The following INTS1 variants were observed in gnomAD, a reference collection of about 807,000 sequenced individuals.
INTS1 encodes the protein integrator complex subunit 1.
Under a neutral mutation model 241.6 loss-of-function variants are expected in INTS1, and 137 were observed. The observed-to-expected ratio is 0.57, with a 90% CI of 0.49 to 0.65. The LOEUF is 0.65. Among genes scored for constraint, INTS1 ranks in the 30% least tolerant of loss-of-function variants. INTS1 has a pLI of 0.00. For synonymous variants in INTS1, 1,692 were observed against 1,337.8 expected (o/e 1.26, Z -5.78); for missense variants, 3,073 against 3,032.2 (o/e 1.01, Z -0.32).
At chr7:1,474,980 A>C in intron 39 of INTS1, 142 bp from the exon 40 acceptor site, 14 of 1,147,034 alleles carry the variant, frequency 1.2e-5, no homozygotes, top group Non-Finnish European at 1.7e-5. Flanking sequence ...GGCTTCCATG[A>C]GCACCTCGGG....
chr7:1,500,000 G>A lies in INTS1; in HGVS notation c.568C>T (p.Arg190Trp), dbSNP rs762191417. ...GCCTTGAAGTTGATGGAGGCGTCCC[G>A]CCGCAGGAGGCTACACAGAGCCTGC... ...VIEALCSLLR[R>W]DASINFKAKG... is the part of the protein sequence containing the mutation. Residue 190 changes from arginine (R) to tryptophan (W), a missense_variant, in exon 5 of 48, where the codon CGG (arginine) becomes TGG (tryptophan). Physicochemically the swap from Arg to Trp is moderately radical, Grantham distance 101. Coordinates refer to ENST00000404767, the MANE Select transcript of INTS1 (RefSeq NM_001080453.3). The A allele has an allele frequency of 5.0e-6, 8 of 1,613,466 alleles. No individual in the cohort carries two copies. Among genetic ancestry groups the A allele is most frequent in the Non-Finnish European group, 6.8e-6 (8 of 1,179,836 alleles).
intron 14 of INTS1, chr7:1,494,413 GC>G (rs1758566785): frequency 3.4e-6 from 1 of 291,232 alleles, no homozygotes; most frequent in African/African-American, 2.2e-5. Context: ...CACCCATGGG[GC>G]TTGAAGGGGG....
intron 20 of INTS1, 109 bp from the exon 21 acceptor site, chr7:1,487,210 A>C: frequency 1.1e-5 from 16 of 1,501,870 alleles, no homozygotes; most frequent in Non-Finnish European, 1.4e-5. Context: ...CAGCCAGCTC[A>C]TGGGCCCCGC....
intron 3 of INTS1, among the ~76,000 whole-genome samples, chr7:1,502,346 C>T (rs1327081120): frequency 3.9e-5 from 6 of 151,992 alleles, no homozygotes; most frequent in African/African-American, 7.3e-5. Flanking sequence ...GGGGCAGGGG[C>T]GATTCTAGGC....
chr7:1,485,300 G>A lies in INTS1; in HGVS notation c.3146C>T (p.Ala1049Val), dbSNP rs1185115715. Residue 1049 changes from alanine to valine, a missense_variant, in exon 23 of 48, where the codon GCC (alanine) becomes GTC (valine). Ala to Val is a moderately conservative substitution (Grantham distance 64). Transcript: ENST00000404767. Reference protein sequence around the residue: ...FDSVRSTTALALQQAIHMETD... With the variant: ...FDSVRSTTALVLQQAIHMETD... ...GGTCAGCGCCCTCACCTGCTGCAGG[G>A]CCAGGGCTGTGGTGCTCCTGACGCT... The A allele has an allele frequency of 1.9e-6, 3 of 1,608,688 alleles. No individual in the cohort carries two copies. Among genetic ancestry groups the A allele is most frequent in the African/African-American group, 1.3e-5 (1 of 75,036 alleles).
Position 1,478,470 on chromosome 7 carries a change from G to T in INTS1, c.4526C>A (p.Ala1509Asp), listed in dbSNP as rs761986368. Reference protein sequence around the residue: ...GGLLRLAEALAFRQDLEVVSS... With the variant: ...GGLLRLAEALDFRQDLEVVSS... ...GACCACCTCCAGGTCCTGACGGAAGGCCAGGGCCTCGGCCAGGCGCAGGAG... is the reference window on the plus strand; with the variant it reads ...GACCACCTCCAGGTCCTGACGGAAGTCCAGGGCCTCGGCCAGGCGCAGGAG... Residue 1509 changes from alanine (A) to aspartate (D), a missense_variant, in exon 33 of 48, where the codon GCC becomes GAC. Coordinates refer to ENST00000404767, the MANE Select transcript of INTS1 (RefSeq NM_001080453.3). 5 of 1,612,050 alleles carry T rather than the reference G, an allele frequency of 3.1e-6. No homozygotes were observed. The African/African-American group carries it at 6.7e-5, about 22-fold the overall frequency.
At chr7:1,474,955 G>C in intron 39 of INTS1, 117 bp from the exon 40 acceptor site, 1 of 1,352,336 alleles carries the variant, frequency 7.4e-7, no homozygotes, top group Non-Finnish European at 9.9e-7. Context: ...ATGAGCAGAG[G>C]AACTGGCTCC....
chr7:1,483,597 T>C (rs941587586), intron 26 of INTS1, 145 bp downstream of exon 26: 4 of 707,134 alleles, frequency 5.7e-6, no homozygotes, highest in African/African-American at 1.8e-5. Flanking sequence ...GCCTCCTCTT[T>C]AGGAGAGAAG....
intron 29 of INTS1, 69 bp from the exon 30 acceptor site, chr7:1,480,510 A>G: frequency 6.5e-7 from 1 of 1,537,590 alleles, no homozygotes; most frequent in African/African-American, 1.4e-5. Context: ...GGAACTGTAC[A>G]AGCCATGGCG....
chr7:1,492,988 G>C (rs1300069031), intron 16 of INTS1, 22 bp downstream of exon 16: 3 of 1,584,110 alleles, frequency 1.9e-6, no homozygotes, highest in Non-Finnish European at 1.7e-6. Context: ...GGGCGGGAGT[G>C]GGGAGCGGGG....
intron 2 of INTS1, 42 bp downstream of exon 2, chr7:1,503,861 C>CCCCAAAGACT: frequency 2.7e-6 from 4 of 1,490,896 alleles, no homozygotes; most frequent in Non-Finnish European, 3.7e-6. Flanking sequence ...CCCCAAAGAC[C>CCCCAAAGACT]CCCAAAGACC....
rs1383396225 is a variant in INTS1, at chr7:1,477,632, A to T, written c.4856T>A (p.Val1619Glu). The stretch of plus-strand genomic sequence containing the variant: ...GGGGTCCAGCATTTCCAGCCAGTCC[A>T]CTAGGAGGCCTGACGAGGGCCCCAG... ...VRLGPSSGLL[V>E]DWLEMLDPEV... Residue 1619 changes from valine to glutamate, a missense_variant, in exon 35 of 48, where the codon GTG becomes GAG. Coordinates refer to ENST00000404767, the MANE Select transcript of INTS1 (RefSeq NM_001080453.3). 6.3e-7 allele frequency: 1 copy of T among 1,588,954 alleles called. No homozygotes were observed. The highest frequency in any genetic ancestry group is 8.6e-7 in the Non-Finnish European group (1 of 1,168,872).
chr7:1,470,634 G>T lies in INTS1; in HGVS notation c.6516C>A (p.Asp2172Glu). 1 of 1,588,356 alleles carries T rather than the reference G, an allele frequency of 6.3e-7. No homozygotes were observed. The highest frequency in any genetic ancestry group is 8.6e-7 in the Non-Finnish European group (1 of 1,168,366). The change falls in exon 48 of 48, where the codon GAC becomes GAA. Residue 2172 changes from aspartate to glutamate, a missense_variant. Coordinates refer to ENST00000404767, the MANE Select transcript of INTS1 (RefSeq NM_001080453.3). ...AFLVGMYGQMDPSAQISEALR... is the reference protein window; with the variant it reads ...AFLVGMYGQMEPSAQISEALR... ...GGGCCTCGGAGATCTGCGCGCTGGG[G>T]TCCATCTGGCCGTACATGCCCACCA...
At chr7:1,471,333 C>A in intron 45 of INTS1, 109 bp from the exon 46 acceptor site, 1 of 1,195,664 alleles carries the variant, frequency 8.4e-7, no homozygotes, top group Non-Finnish European at 1.2e-6. Context: ...GGACCCTAGG[C>A]CCCTATCCAG....
rs750364753 is a variant in INTS1 at position 1,476,319 on chromosome 7, G to A, written c.5288C>T (p.Pro1763Leu). ...AACSLIQARL[P>L]LLLSCCCGDD... ...CCCACAGCAGCAGCTGAGCAGCAGG[G>A]GCAGCCGGGCCTGGATGAGGCTGCA... Residue 1763 changes from proline to leucine, a missense_variant, in exon 38 of 48, where the codon CCC becomes CTC. Physicochemically the swap from Pro to Leu is moderately conservative, Grantham distance 98. Coordinates refer to ENST00000404767, the MANE Select transcript of INTS1 (RefSeq NM_001080453.3). 6.3e-7 allele frequency: 1 copy of A among 1,587,834 alleles called. No individual in the cohort carries two copies. The highest frequency in any genetic ancestry group is 8.6e-7 in the Non-Finnish European group (1 of 1,169,136).
chr7:1,483,635 G>T (rs1782102102), intron 26 of INTS1, 107 bp downstream of exon 26: 2 of 832,314 alleles, frequency 2.4e-6, no homozygotes, highest in Admixed American at 2.0e-5. Context: ...AGGGCTGGGG[G>T]GCTTCCCGCC....
In INTS1 at chr7:1,494,896, G is replaced by A. The variant is rs1396667686; in HGVS notation, c.1833-3C>T. 2.6e-6 allele frequency: 4 copies of A among 1,557,638 alleles called. No homozygotes were observed. Among genetic ancestry groups the A allele is most frequent in the Non-Finnish European group, 3.5e-6 (4 of 1,151,510 alleles). On this transcript the variant is annotated splice_region_variant and splice_polypyrimidine_tract_variant and intron_variant, in intron 13 of 47. Coordinates refer to ENST00000404767, the MANE Select transcript of INTS1 (RefSeq NM_001080453.3). The stretch of plus-strand genomic sequence containing the variant: ...CTGTGAACAGCACCTTGTGCAGGCT[G>A]GGCAGGCAGAGAAGAGCCCTCAGTC...
rs767460414 is a variant in INTS1, at chr7:1,478,740, C to T, written c.4475G>A (p.Arg1492His). The change falls in exon 32 of 48, where the codon CGC (arginine) becomes CAC (histidine). Residue 1492 changes from arginine to histidine, a missense_variant. Arg to His is a conservative substitution (Grantham distance 29). Transcript: ENST00000404767. ...RMLASQASAG[R>H]RLSDVRGGLL... ...GCGGTCCTCACCATCACTGAGCCTG[C>T]GCCCGGCTGAGGCCTGGCTGGCAAG... The T allele has an allele frequency of 1.0e-5, 16 of 1,582,562 alleles. No individual in the cohort carries two copies. Among genetic ancestry groups the T allele is most frequent in the African/African-American group, 1.3e-5 (1 of 74,190 alleles).
rs1782932144 is a variant in INTS1, at chr7:1,497,762, C to G, written c.1426-448G>C. Among the ~76,000 whole-genome samples, 1 of 152,242 alleles carries G rather than the reference C, an allele frequency of 6.6e-6. No individual in the cohort carries two copies. The highest frequency in any genetic ancestry group is 1.5e-5 in the Non-Finnish European group (1 of 68,044). On this transcript the variant is annotated intron_variant, in intron 10 of 47. Coordinates refer to ENST00000404767, the MANE Select transcript of INTS1 (RefSeq NM_001080453.3). The surrounding 1 kb of genome is among the most constrained non-coding windows in gnomAD (Gnocchi z 5.3). ...GCGGAGCTGAGAGCGGCTGTGCCTC[C>G]CTCGTGTTTCACACTCCATAGAGCC...
Sources: gnomAD v4.1 joint callset for allele counts (sites outside exome capture counted in the v4.1 genomes callset) on GRCh38, gnomAD v4.1.1 for gene constraint, Gnocchi (gnomAD v3.1) non-coding constraint, MANE v1.5 for transcripts, NCBI Gene and HGNC (gene_info 2026-07-23, HGNC 2026-07-21) for gene names.